Variants in EYS observed in about 807,000 individuals in gnomAD.
EYS encodes EGF-like photoreceptor maintenance factor, also known as protein eyes shut homolog.
In EYS, 250 loss-of-function variants were observed where a neutral mutation model predicts 282.1. The ratio of observed to expected loss-of-function variants is 0.89; its 90% confidence interval spans 0.80 to 0.98. The LOEUF is 0.98. Among genes scored for constraint, EYS ranks in the 50% least tolerant of loss-of-function variants. The pLI is 0.00. For synonymous variants in EYS, 1,355 were observed against 1,282.9 expected (o/e 1.06, Z -1.20); for missense variants, 4,016 against 3,709.0 (o/e 1.08, Z -2.15).
chr6:65,190,722 T>C (rs1765622282), intron 12 of EYS, among the ~76,000 whole-genome samples: 1 of 151,812 alleles, frequency 6.6e-6, no homozygotes, highest in African/African-American at 2.4e-5. Context: ...TGTTTCCCTC[T>C]TTTAATCCAA....
intron 22 of EYS, among the ~76,000 whole-genome samples, chr6:64,761,694 A>T (rs1451279676): frequency 6.6e-6 from 1 of 152,122 alleles, no homozygotes; most frequent in Non-Finnish European, 1.5e-5. Flanking sequence ...TGACCTAGTG[A>T]TCGGCCCACC....
intron 31 of EYS, among the ~76,000 whole-genome samples, chr6:64,151,359 A>ATATG: frequency 2.3e-5 from 2 of 88,870 alleles, no homozygotes; most frequent in Non-Finnish European, 4.6e-5. Context: ...ATATATATAT[A>ATATG]TATAATTTTT....
chr6:64,600,401 C>G (rs1766728104), intron 24 of EYS, among the ~76,000 whole-genome samples: 1 of 151,960 alleles, frequency 6.6e-6, no homozygotes, highest in African/African-American at 2.4e-5. Context: ...GAATAATATT[C>G]TGAAGATATC....
intron 41 of EYS, among the ~76,000 whole-genome samples, chr6:63,756,918 G>A (rs1345715129): frequency 6.6e-6 from 1 of 152,042 alleles, no homozygotes; most frequent in Non-Finnish European, 1.5e-5. Context: ...TTTGTAAGCT[G>A]AGAATGTACA....
At chr6:65,156,894 T>C (rs552186742) in intron 12 of EYS, among the ~76,000 whole-genome samples, 1 of 151,140 alleles carries the variant, frequency 6.6e-6, no homozygotes, top group African/African-American at 2.4e-5. Flanking sequence ...CTCTGACAAA[T>C]TGGCATCCCA....
intron 41 of EYS, among the ~76,000 whole-genome samples, chr6:63,742,769 GC>G (rs1289744006): frequency 6.6e-6 from 1 of 152,066 alleles, no homozygotes; most frequent in Non-Finnish European, 1.5e-5. Context: ...TCAGCATAAT[GC>G]CCTTGAGATC....
chr6:63,894,573 TTTTG>T (rs1773487557), intron 35 of EYS, among the ~76,000 whole-genome samples: 1 of 151,280 alleles, frequency 6.6e-6, no homozygotes, highest in African/African-American at 2.4e-5. Context: ...TGTTGTTTTT[TTTTG>T]TTTGTTTGTT....
At chr6:64,644,458 A>G (rs566748210) in intron 22 of EYS, among the ~76,000 whole-genome samples, 105 of 152,290 alleles carry the variant, frequency 6.9e-4, no homozygotes, top group Non-Finnish European at 1.2e-3. Context: ...TGTGAGGCTG[A>G]TCATGATGAG....
chr6:65,698,361 G>T (rs1450752116), intron 1 of EYS, among the ~76,000 whole-genome samples: 2 of 152,064 alleles, frequency 1.3e-5, no homozygotes, highest in Admixed American at 6.6e-5. Context: ...TCTAATAAAA[G>T]TATTTGTAGC....
At chr6:65,088,783 G>T (rs1361050099) in intron 12 of EYS, among the ~76,000 whole-genome samples, 1 of 152,104 alleles carries the variant, frequency 6.6e-6, no homozygotes, top group Non-Finnish European at 1.5e-5. Flanking sequence ...CCCATCACAG[G>T]TCTGGAGGGC....
Position 65,379,552 on chromosome 6 carries a change from G to A in EYS, c.1299+4834C>T, listed in dbSNP as rs534707476. Among the ~76,000 whole-genome samples, 3 of 151,990 alleles carry A rather than the reference G, an allele frequency of 2.0e-5. No homozygotes were observed. In the East Asian group the frequency reaches 5.8e-4, roughly 30 times the overall value. The stretch of plus-strand genomic sequence containing the variant: ...GCTGAAAGCATTCCCTTTGAAAACC[G>A]ACACAAGACAAGGATGCCCTCTCTC... On this transcript the variant is annotated intron_variant, in intron 8 of 42. Coordinates refer to ENST00000503581, the MANE Select transcript of EYS (RefSeq NM_001142800.2).
chr6:64,736,530 TAC>T (rs1012279030), intron 22 of EYS, among the ~76,000 whole-genome samples: 9 of 152,200 alleles, frequency 5.9e-5, no homozygotes, highest in Non-Finnish European at 1.0e-4. Context: ...CTAGAATCAT[TAC>T]AGAGTATTGG....
Position 64,692,429 on chromosome 6 carries a change from C to T in EYS, c.3444-66184G>A, listed in dbSNP as rs115930346. 4.4e-3 allele frequency among the ~76,000 whole-genome samples: 675 copies of T among 152,172 alleles called. 9 individuals are homozygous for T. Among genetic ancestry groups the T allele is most frequent in the African/African-American group, 0.015 (623 of 41,538 alleles). Reference sequence around the variant, plus strand: ...CCATTTTGTAGGTTATCTGTTTATACTGTTTATATCTTTTGCTGCAAAGAA... The same window carrying T: ...CCATTTTGTAGGTTATCTGTTTATATTGTTTATATCTTTTGCTGCAAAGAA... On this transcript the variant is annotated intron_variant, in intron 22 of 42. Coordinates refer to ENST00000503581, the MANE Select transcript of EYS (RefSeq NM_001142800.2).
rs543363239 is a variant in EYS, at chr6:63,751,534, G to T, written c.8071+10927C>A. ...CAATAAGAATCTAATAGATTAAAAA[G>T]AACTTTTCTTCCATCCTTAACTATT... On this transcript the variant is annotated intron_variant, in intron 41 of 42. Transcript: ENST00000503581. 3.3e-5 allele frequency among the ~76,000 whole-genome samples: 5 copies of T among 152,200 alleles called. No homozygotes were observed. The South Asian group carries it at 1.0e-3, about 32-fold the overall frequency.
intron 40 of EYS, among the ~76,000 whole-genome samples, chr6:63,762,978 C>G (rs750220775): frequency 6.6e-6 from 1 of 152,012 alleles, no homozygotes; most frequent in Non-Finnish European, 1.5e-5. Context: ...AACTTCAAGC[C>G]TAGTGAAAAG....
intron 22 of EYS, among the ~76,000 whole-genome samples, chr6:64,690,625 A>G (rs992536015): frequency 6.6e-6 from 1 of 152,212 alleles, no homozygotes; most frequent in African/African-American, 2.4e-5. Context: ...TGTCACAAAT[A>G]TACAACATGG....
intron 30 of EYS, among the ~76,000 whole-genome samples, chr6:64,294,630 T>C (rs1768840445): frequency 6.6e-6 from 1 of 152,198 alleles, no homozygotes; most frequent in African/African-American, 2.4e-5. Context: ...TCAATTCTCA[T>C]AGTGTCATCT....
chr6:63,950,909 G>A (rs1004796969), intron 35 of EYS, among the ~76,000 whole-genome samples: 12 of 152,034 alleles, frequency 7.9e-5, no homozygotes, highest in African/African-American at 1.5e-4. Flanking sequence ...AAACTCCGGC[G>A]CCTGTCACAT....
chr6:65,261,308 CACAA>C (rs1306294746), intron 12 of EYS, among the ~76,000 whole-genome samples: 4 of 151,882 alleles, frequency 2.6e-5, no homozygotes, highest in African/African-American at 9.6e-5. Flanking sequence ...TATATACACA[CACAA>C]ACATATATAT....
Sources: gnomAD v4.1 joint callset for allele counts (sites outside exome capture counted in the v4.1 genomes callset) on GRCh38, gnomAD v4.1.1 for gene constraint, MANE v1.5 for transcripts, NCBI Gene and HGNC (gene_info 2026-07-23, HGNC 2026-07-21) for gene names.